Variants in MEIS1 observed in about 807,000 individuals in gnomAD.
The protein encoded by MEIS1 is homeobox protein Meis1.
In MEIS1, 5 loss-of-function variants were observed where a neutral mutation model predicts 50.8. The observed-to-expected ratio is 0.10, with a 90% CI of 0.05 to 0.21. The LOEUF (loss-of-function observed/expected upper bound fraction) is 0.21. Ranked by LOEUF, MEIS1 falls within the 10% of genes least tolerant of loss-of-function variation. The pLI is 1.00. For synonymous variants in MEIS1, 176 were observed against 179.3 expected (o/e 0.98, Z 0.15); for missense variants, 318 against 517.3 (o/e 0.61, Z 3.74).
chr2:66,471,510 A>T (rs1672759572), intron 7 of MEIS1, among the ~76,000 whole-genome samples: 1 of 152,242 alleles, frequency 6.6e-6, no homozygotes, highest in Admixed American at 6.5e-5. Context: ...TTTTTAAGAA[A>T]TACCAACTCC....
intron 6 of MEIS1, among the ~76,000 whole-genome samples, chr2:66,453,186 GA>G (rs1195428539): frequency 6.6e-6 from 1 of 151,900 alleles, no homozygotes; most frequent in African/African-American, 2.4e-5. Flanking sequence ...GGCATGTAAA[GA>G]ACATGCCAAT....
chr2:66,440,053 G>C, intron 3 of MEIS1, 69 bp downstream of exon 3: 1 of 1,295,792 alleles, frequency 7.7e-7, no homozygotes, highest in East Asian at 2.6e-5. Context: ...ACACACACGC[G>C]CGCGCGCGCG....
chr2:66,553,822 A>T (rs1482804672), intron 9 of MEIS1, among the ~76,000 whole-genome samples: 1 of 152,208 alleles, frequency 6.6e-6, no homozygotes, highest in Non-Finnish European at 1.5e-5. Context: ...GCATAAAATC[A>T]CATCGTTAAT....
chr2:66,524,582 T>A (rs1490160378), intron 8 of MEIS1, among the ~76,000 whole-genome samples: 3 of 151,156 alleles, frequency 2.0e-5, no homozygotes, highest in East Asian at 1.9e-4. Context: ...AAATAAAATT[T>A]AAAAAATTAA....
rs186545682 is a variant in MEIS1 at position 66,561,511 on chromosome 2, A to G, written c.966-5942A>G. On this transcript the variant is annotated intron_variant, in intron 9 of 12. Transcript: ENST00000272369. Reference sequence around the variant, plus strand: ...TTTTCTATTGAATAAAGAATAGTATATGCAGAAATCTTATATTTAAGAATG... The same window carrying G: ...TTTTCTATTGAATAAAGAATAGTATGTGCAGAAATCTTATATTTAAGAATG... Among the ~76,000 whole-genome samples the G allele has an allele frequency of 1.7e-3, 260 of 152,330 alleles. 1 individual carries two copies. The highest frequency in any genetic ancestry group is 6.0e-3 in the African/African-American group (250 of 41,584).
At chr2:66,546,179 G>A (rs192156915) in intron 8 of MEIS1, among the ~76,000 whole-genome samples, 68 of 152,274 alleles carry the variant, frequency 4.5e-4, no homozygotes, top group African/African-American at 1.5e-3. Context: ...GAATGTGAGC[G>A]TGATAAGGCG....
At chr2:66,461,301 G>A (rs1397596492) in intron 6 of MEIS1, among the ~76,000 whole-genome samples, 1 of 152,130 alleles carries the variant, frequency 6.6e-6, no homozygotes, top group Non-Finnish European at 1.5e-5. Flanking sequence ...ATGGATTTGG[G>A]GGGAGTTCGT....
intron 9 of MEIS1, among the ~76,000 whole-genome samples, chr2:66,558,279 C>CAAAAAAAAAAAA (rs59017279): frequency 5.8e-3 from 332 of 57,046 alleles, no homozygotes; most frequent in African/African-American, 6.1e-3. Context: ...AACTCCATCT[C>CAAAAAAAAAAAA]AAAAAAAAAA....
intron 6 of MEIS1, among the ~76,000 whole-genome samples, chr2:66,446,251 G>T (rs1355728355): frequency 6.6e-6 from 1 of 152,210 alleles, no homozygotes; most frequent in African/African-American, 2.4e-5. Context: ...GCCAAGAGGG[G>T]TTAGGCGAGG....
chr2:66,476,447 TGTCCACTGCATACCG>T (rs1672894001), intron 7 of MEIS1, among the ~76,000 whole-genome samples: 1 of 152,232 alleles, frequency 6.6e-6, no homozygotes, highest in Admixed American at 6.5e-5. Flanking sequence ...ATTAATTAAA[TGTCCACTGCATACCG>T]GTCCTCTGCT....
At chr2:66,480,050 C>T (rs1285980456) in intron 7 of MEIS1, among the ~76,000 whole-genome samples, 4 of 152,110 alleles carry the variant, frequency 2.6e-5, no homozygotes, top group African/African-American at 9.7e-5. Context: ...GAATTAAGAA[C>T]TCTAGGTTCC....
intron 3 of MEIS1, 101 bp downstream of exon 3, chr2:66,440,085 A>ACACACACG: frequency 1.8e-6 from 2 of 1,082,152 alleles, no homozygotes; most frequent in South Asian, 1.6e-5. Context: ...ACACACACAC[A>ACACACACG]CACACACGGC....
intron 7 of MEIS1, among the ~76,000 whole-genome samples, chr2:66,466,988 CAAAA>C (rs930218968): frequency 7.1e-6 from 1 of 141,654 alleles, no homozygotes; most frequent in African/African-American, 2.6e-5. Flanking sequence ...GAAAAGAAAA[CAAAA>C]AAGAAATCCC....
At chr2:66,482,819 C>G (rs1368520738) in intron 7 of MEIS1, among the ~76,000 whole-genome samples, 2 of 152,168 alleles carry the variant, frequency 1.3e-5, no homozygotes, top group Non-Finnish European at 2.9e-5. Flanking sequence ...TACCTGCTGT[C>G]TCATTCAATA....
chr2:66,558,567 T>C (rs889351002), intron 9 of MEIS1, among the ~76,000 whole-genome samples: 3 of 152,212 alleles, frequency 2.0e-5, no homozygotes, highest in Non-Finnish European at 4.4e-5. Context: ...TTTCAAGCTT[T>C]ACTCATTAAA....
At chr2:66,439,286 G>A (rs930403417) in intron 2 of MEIS1, 2 of 1,087,260 alleles carry the variant, frequency 1.8e-6, no homozygotes, top group East Asian at 5.7e-5. Context: ...CCGGCTCTCC[G>A]AGGGCCTTGG....
chr2:66,508,455 T>C (rs1345199922), intron 7 of MEIS1, among the ~76,000 whole-genome samples: 1 of 152,046 alleles, frequency 6.6e-6, no homozygotes, highest in East Asian at 1.9e-4. Flanking sequence ...TTCACTTCAA[T>C]GAGGGGGAAA....
chr2:66,539,835 C>T (rs1674609064), intron 8 of MEIS1, among the ~76,000 whole-genome samples: 1 of 152,178 alleles, frequency 6.6e-6, no homozygotes, highest in African/African-American at 2.4e-5. Context: ...CCCTCCCCTC[C>T]CCTTCTGCCT....
chr2:66,519,267 A>T (rs1485266551), intron 8 of MEIS1, among the ~76,000 whole-genome samples: 1 of 152,180 alleles, frequency 6.6e-6, no homozygotes, highest in African/African-American at 2.4e-5. Context: ...CTTACCTTTG[A>T]TAGATTGAAA....
Sources: gnomAD v4.1 joint callset for allele counts (sites outside exome capture counted in the v4.1 genomes callset) on GRCh38, gnomAD v4.1.1 for gene constraint, MANE v1.5 for transcripts, NCBI Gene and HGNC (gene_info 2026-07-23, HGNC 2026-07-21) for gene names.